The following CLEC16A variants were observed in gnomAD, a reference collection of about 807,000 sequenced individuals.
The protein encoded by CLEC16A is protein CLEC16A.
In CLEC16A, 51 loss-of-function variants were observed where a neutral mutation model predicts 109.5. That is an observed-to-expected ratio of 0.47 (90% confidence interval 0.37 to 0.59). The LOEUF (loss-of-function observed/expected upper bound fraction) is 0.59, where lower values mean the gene tolerates loss of function less well. Among genes scored for constraint, CLEC16A ranks in the 20% least tolerant of loss-of-function variants. CLEC16A has a pLI of 0.00. For synonymous variants in CLEC16A, 673 were observed against 564.2 expected (o/e 1.19, Z -2.73); for missense variants, 1,339 against 1,394.0 (o/e 0.96, Z 0.63).
chr16:11,133,441 C>T (rs1025596982), intron 22 of CLEC16A, among the ~76,000 whole-genome samples: 2 of 152,190 alleles, frequency 1.3e-5, no homozygotes, highest in African/African-American at 4.8e-5. Context: ...CCGGCAGGGT[C>T]AGTCACGTGA....
At chr16:11,166,606 C>T in intron 23 of CLEC16A, 54 bp downstream of exon 23, 2 of 1,486,756 alleles carry the variant, frequency 1.3e-6, no homozygotes, top group African/African-American at 1.4e-5. Context: ...CCCGTGATCC[C>T]TCACCATTAC....
Position 10,979,428 on chromosome 16 carries a change from T to C in CLEC16A, c.957+46T>C, listed in dbSNP as rs777915454. 11 of 1,560,842 alleles carry C rather than the reference T, an allele frequency of 7.0e-6. No individual in the cohort carries two copies. The East Asian group carries it at 2.0e-4, about 29-fold the overall frequency. ...ATGTCCCCACTACATTTGGGGTCCC[T>C]TGGCGTGCCACTGCCTTGAAGAAAA... On this transcript the variant is annotated intron_variant, in intron 9 of 23. Coordinates refer to ENST00000409790, the MANE Select transcript of CLEC16A (RefSeq NM_015226.3).
At chr16:11,152,779 C>T (rs762485754) in intron 22 of CLEC16A, among the ~76,000 whole-genome samples, 1 of 152,224 alleles carries the variant, frequency 6.6e-6, no homozygotes, top group Non-Finnish European at 1.5e-5. Context: ...GTGGTGACGG[C>T]ATCTTTCCTC....
At chr16:11,151,472 T>C (rs1262569312) in intron 22 of CLEC16A, among the ~76,000 whole-genome samples, 2 of 152,266 alleles carry the variant, frequency 1.3e-5, no homozygotes, top group African/African-American at 4.8e-5. Context: ...TCTGCCAGCA[T>C]GTGCACAGGC....
intron 19 of CLEC16A, among the ~76,000 whole-genome samples, chr16:11,086,063 G>C (rs529709962): frequency 6.6e-6 from 1 of 152,364 alleles, no homozygotes; most frequent in African/African-American, 2.4e-5. Context: ...AGTGTGTGGA[G>C]CGCAGAGCCA....
At chr16:11,122,994 T>C (rs1197631141) in intron 20 of CLEC16A, among the ~76,000 whole-genome samples, 1 of 147,168 alleles carries the variant, frequency 6.8e-6, no homozygotes, top group Non-Finnish European at 1.5e-5. Flanking sequence ...ACCTCTGCCT[T>C]CCGGGTTCAA....
At chr16:11,073,132 G>A (rs2049162071) in intron 19 of CLEC16A, among the ~76,000 whole-genome samples, 1 of 152,204 alleles carries the variant, frequency 6.6e-6, no homozygotes, top group South Asian at 2.1e-4. Context: ...CAAGAGGCAA[G>A]TATGTACATG....
intron 11 of CLEC16A, among the ~76,000 whole-genome samples, chr16:11,005,651 C>T (rs1029151011): frequency 6.6e-6 from 1 of 152,218 alleles, no homozygotes; most frequent in Non-Finnish European, 1.5e-5. Context: ...TATATATTTG[C>T]TCTCTTGATT....
At chr16:11,114,128 CGT>C (rs3030600) in intron 19 of CLEC16A, among the ~76,000 whole-genome samples, 8,510 of 127,082 alleles carry the variant, frequency 0.067, 271 homozygotes, top group Middle Eastern at 0.1. Context: ...TGAGGATGGC[CGT>C]GTGTGTGTGT....
intron 22 of CLEC16A, among the ~76,000 whole-genome samples, chr16:11,141,577 C>T (rs905069406): frequency 2.0e-5 from 3 of 152,208 alleles, no homozygotes; most frequent in African/African-American, 4.8e-5. Context: ...CTCGGGGCCG[C>T]GAAGCAGGGA....
chr16:11,125,625 T>A (rs971939133), intron 21 of CLEC16A, among the ~76,000 whole-genome samples: 1 of 152,208 alleles, frequency 6.6e-6, no homozygotes, highest in Non-Finnish European at 1.5e-5. Flanking sequence ...CCCCACTCGC[T>A]TGGGGTCTGA....
chr16:10,978,789 T>C (rs1196082945), intron 8 of CLEC16A, among the ~76,000 whole-genome samples: 1 of 152,220 alleles, frequency 6.6e-6, no homozygotes, highest in Non-Finnish European at 1.5e-5. Context: ...GCCTCTTCCC[T>C]TTCCTAACTC....
At position 11,045,252 on chromosome 16, in the gene CLEC16A, G is replaced by A. The variant is rs995216274; in HGVS notation, c.1815+1180G>A. 2.0e-5 allele frequency among the ~76,000 whole-genome samples: 3 copies of A among 152,168 alleles called. No individual in the cohort carries two copies. The East Asian group carries it at 5.8e-4, about 29-fold the overall frequency. On this transcript the variant is annotated intron_variant, in intron 16 of 23. Coordinates refer to ENST00000409790, the MANE Select transcript of CLEC16A (RefSeq NM_015226.3). ...AGTCCCAGCTCCTCGGGAGGCTGAG[G>A]TGGGAGGATGGCATGAACTGGGGAG...
At chr16:11,039,434 C>T (rs985322466) in intron 13 of CLEC16A, among the ~76,000 whole-genome samples, 4 of 152,040 alleles carry the variant, frequency 2.6e-5, no homozygotes, top group Non-Finnish European at 5.9e-5. Context: ...GAGAGCTCTG[C>T]GATAAGTTAT....
chr16:11,061,064 A>G (rs2048454695), intron 19 of CLEC16A, 42 bp downstream of exon 19: 3 of 1,546,658 alleles, frequency 1.9e-6, no homozygotes, highest in African/African-American at 2.7e-5. Context: ...GCTGGGGGAC[A>G]TGGGACATGG....
intron 19 of CLEC16A, among the ~76,000 whole-genome samples, chr16:11,072,281 G>A (rs980924679): frequency 6.6e-6 from 1 of 151,708 alleles, no homozygotes; most frequent in African/African-American, 2.4e-5. Flanking sequence ...CACCATGCCT[G>A]CCTATTTTTT....
At chr16:10,996,758 G>GGTGGACTGTGGGCTCTGAGAGGC (rs1361259742) in intron 10 of CLEC16A, among the ~76,000 whole-genome samples, 2 of 151,478 alleles carry the variant, frequency 1.3e-5, no homozygotes, top group Non-Finnish European at 3.0e-5. Context: ...CTCTGAGAGG[G>GGTGGACTGTGGGCTCTGAGAGGC]GTGGACTGTG....
chr16:10,970,891 G>A lies in CLEC16A; in HGVS notation c.493-234G>A, dbSNP rs113948109. ...CCTCTCCCAAGTAGCTGGTACTATG[G>A]GTGTGCACCACCACACGGACTTGGA... On this transcript the variant is annotated intron_variant, in intron 4 of 23. Coordinates refer to ENST00000409790, the MANE Select transcript of CLEC16A (RefSeq NM_015226.3). Among the ~76,000 whole-genome samples, 245 of 152,224 alleles carry A rather than the reference G, an allele frequency of 1.6e-3. 3 individuals carry two copies. The highest frequency in any genetic ancestry group is 5.6e-3 in the African/African-American group (232 of 41,540).
At chr16:10,962,319 A>G in intron 2 of CLEC16A, 136 bp from the exon 3 acceptor site, 4 of 918,436 alleles carry the variant, frequency 4.4e-6, no homozygotes, top group South Asian at 2.9e-5. Flanking sequence ...GCGGGTGACA[A>G]TGGGTGGCAT....
Sources: allele counts gnomAD v4.1 joint callset (sites outside exome capture counted in the v4.1 genomes callset), GRCh38; gene constraint gnomAD v4.1.1; transcripts MANE v1.5; gene names NCBI Gene and HGNC (gene_info 2026-07-23, HGNC 2026-07-21).